The following KLF12 variants were observed in gnomAD, a reference collection of about 807,000 sequenced individuals.
KLF12 encodes the protein KLF transcription factor 12.
Under a neutral mutation model 37.8 loss-of-function variants are expected in KLF12, and 9 were observed. That is an observed-to-expected ratio of 0.24 (90% CI 0.14 to 0.42). The LOEUF is 0.42. Ranked by LOEUF, KLF12 falls within the 10% of genes least tolerant of loss-of-function variation. KLF12 has a pLI of 1.00. For synonymous variants in KLF12, 208 were observed against 202.1 expected (o/e 1.03, Z -0.25); for missense variants, 411 against 516.0 (o/e 0.80, Z 1.97).
chr13:74,073,567 C>T (rs1383821764), intron 1 of KLF12, among the ~76,000 whole-genome samples: 1 of 152,172 alleles, frequency 6.6e-6, no homozygotes, highest in East Asian at 1.9e-4. Context: ...AAGTTTTGTT[C>T]TAGTGGTGGC....
intron 1 of KLF12, among the ~76,000 whole-genome samples, chr13:74,072,379 A>ATG (rs1206664394): frequency 9.3e-6 from 1 of 107,812 alleles, no homozygotes; most frequent in Non-Finnish European, 1.8e-5. Flanking sequence ...ATATATATAT[A>ATG]TATATATATA....
chr13:73,906,420 T>C lies in KLF12; in HGVS notation c.123+37561A>G, dbSNP rs577371042. ...TTCTTACATATATTTTCCAGTTTAC[T>C]AATTCTCTTTAGCTGTGACTCACCT... On this transcript the variant is annotated intron_variant, in intron 3 of 7. Transcript: ENST00000377669. Among the ~76,000 whole-genome samples, 4 of 152,334 alleles carry C rather than the reference T, an allele frequency of 2.6e-5. No individual in the cohort carries two copies. In the South Asian group the frequency reaches 8.3e-4, roughly 32 times the overall value.
At chr13:73,776,366 C>T (rs1258226703) in intron 5 of KLF12, among the ~76,000 whole-genome samples, 1 of 152,178 alleles carries the variant, frequency 6.6e-6, no homozygotes, top group Admixed American at 6.5e-5. Context: ...CCTGACCTAC[C>T]AGCTTATACA....
intron 1 of KLF12, among the ~76,000 whole-genome samples, chr13:74,007,648 A>T (rs1460776078): frequency 6.6e-6 from 1 of 152,172 alleles, no homozygotes; most frequent in Non-Finnish European, 1.5e-5. Flanking sequence ...AAGCCTAAAG[A>T]TATAAAATAA....
rs77495933 is a variant in KLF12 at position 73,941,222 on chromosome 13, C to T, written c.123+2759G>A. Among the ~76,000 whole-genome samples, 1,054 of 152,244 alleles carry T rather than the reference C, an allele frequency of 6.9e-3. 13 individuals carry two copies. The highest frequency in any genetic ancestry group is 0.024 in the African/African-American group (1,014 of 41,532). On this transcript the variant is annotated intron_variant, in intron 3 of 7. Coordinates refer to ENST00000377669, the MANE Select transcript of KLF12 (RefSeq NM_007249.5). ...TTGTGACACAGACAAGTTTCTATCG[C>T]TTTTTGTTCACTGTTAACTAACATG... is the stretch of plus-strand genomic sequence containing the variant.
intron 3 of KLF12, among the ~76,000 whole-genome samples, chr13:73,891,053 T>TA (rs973763371): frequency 1.3e-5 from 2 of 151,816 alleles, no homozygotes; most frequent in African/African-American, 4.8e-5. Context: ...TGTTGAAGAT[T>TA]AAAAAAAATA....
intron 6 of KLF12, among the ~76,000 whole-genome samples, chr13:73,724,759 A>G (rs1876533173): frequency 6.6e-6 from 1 of 152,202 alleles, no homozygotes; most frequent in Non-Finnish European, 1.5e-5. Context: ...CAGAAAGATT[A>G]GACTAATTAC....
At chr13:73,792,151 C>T (rs1265473631) in intron 5 of KLF12, among the ~76,000 whole-genome samples, 2 of 152,216 alleles carry the variant, frequency 1.3e-5, no homozygotes, top group African/African-American at 2.4e-5. Context: ...CTCTACTCTC[C>T]TCTCATCCAA....
chr13:73,725,271 T>G (rs1876576192), intron 6 of KLF12, among the ~76,000 whole-genome samples: 2 of 152,192 alleles, frequency 1.3e-5, no homozygotes, highest in African/African-American at 4.8e-5. Flanking sequence ...CAGCTAATTT[T>G]TGTATGTTTA....
At chr13:74,074,545 A>G (rs1874457888) in intron 1 of KLF12, among the ~76,000 whole-genome samples, 1 of 152,204 alleles carries the variant, frequency 6.6e-6, no homozygotes, top group Non-Finnish European at 1.5e-5. Flanking sequence ...GTTCCTGGAT[A>G]TCAATGATTA....
chr13:73,745,033 T>C (rs1352419770), intron 6 of KLF12, among the ~76,000 whole-genome samples: 5 of 152,228 alleles, frequency 3.3e-5, no homozygotes, highest in Non-Finnish European at 5.9e-5. Flanking sequence ...TCAGTCACTT[T>C]TATGAGTACC....
chr13:74,215,407 A>G, the KLF12 span, among the ~76,000 whole-genome samples: 378 of 95,438 alleles, frequency 4.0e-3, 2 homozygotes, highest in African/African-American at 0.015. Context: ...ACCCTACCAT[A>G]TTCTCATTTC....
At chr13:73,846,943 AAAT>A (rs1207435679) in intron 3 of KLF12, among the ~76,000 whole-genome samples, 5 of 152,310 alleles carry the variant, frequency 3.3e-5, no homozygotes, top group Non-Finnish European at 7.4e-5. Flanking sequence ...ACATTTTAGG[AAAT>A]AATAATTTAA....
the KLF12 span, among the ~76,000 whole-genome samples, chr13:74,220,971 A>G: frequency 6.6e-6 from 1 of 151,066 alleles, no homozygotes; most frequent in African/African-American, 2.4e-5. Flanking sequence ...TTATGAAAAC[A>G]TATATATCAC....
At chr13:74,175,626 G>T in the KLF12 span, among the ~76,000 whole-genome samples, 894 of 152,270 alleles carry the variant, frequency 5.9e-3, 16 homozygotes, top group African/African-American at 0.021. Flanking sequence ...CCATCATTAA[G>T]AGTTTTCCAC....
chr13:73,789,612 A>T (rs928198577), intron 5 of KLF12, among the ~76,000 whole-genome samples: 9 of 152,216 alleles, frequency 5.9e-5, no homozygotes, highest in Non-Finnish European at 8.8e-5. Context: ...GTGTAATGGA[A>T]ATAAAAGTTT....
At chr13:74,048,222 T>G (rs1346938570) in intron 1 of KLF12, among the ~76,000 whole-genome samples, 1 of 152,212 alleles carries the variant, frequency 6.6e-6, no homozygotes, top group Non-Finnish European at 1.5e-5. Context: ...GGCTAGAACT[T>G]GCTGGCCACA....
In KLF12 at chr13:73,687,246, A is replaced by G. The variant is rs949987024; in HGVS notation, c.*8244T>C. On this transcript the variant is annotated 3_prime_UTR_variant, in exon 8 of 8. Transcript: ENST00000377669. ...AAGACGATGTTTTCAAGCTGGTTTT[A>G]TAAGTACTTATCTCACATCCACAGA... is the stretch of plus-strand genomic sequence containing the variant. 2.0e-5 allele frequency: 3 copies of G among 152,662 alleles called. No homozygotes were observed. Among genetic ancestry groups the G allele is most frequent in the Admixed American group, 6.5e-5 (1 of 15,280 alleles). 9.5% of individuals were successfully genotyped at this position (152,662 alleles called of 1,614,324 possible).
chr13:74,080,271 T>C (rs962234722), intron 1 of KLF12, among the ~76,000 whole-genome samples: 2 of 145,838 alleles, frequency 1.4e-5, no homozygotes, highest in Non-Finnish European at 3.0e-5. Flanking sequence ...ACTCCATTTC[T>C]ACAAAAAAAA....
Sources: allele counts gnomAD v4.1 joint callset (sites outside exome capture counted in the v4.1 genomes callset), GRCh38; gene constraint gnomAD v4.1.1; transcripts MANE v1.5; gene names NCBI Gene and HGNC (gene_info 2026-07-23, HGNC 2026-07-21).